AVEN: variants seen among roughly 807,000 people sequenced by gnomAD.
AVEN encodes the protein cell death regulator Aven.
Under a neutral mutation model 38.1 loss-of-function variants are expected in AVEN, and 41 were observed. The ratio of observed to expected loss-of-function variants is 1.08; its 90% CI spans 0.84 to 1.40. The LOEUF (loss-of-function observed/expected upper bound fraction) is 1.40. AVEN is among the 40% of genes most tolerant of loss of function. The pLI, the probability that AVEN is intolerant of heterozygous loss-of-function variation, is 0.00. For synonymous variants in AVEN, 206 were observed against 171.8 expected (o/e 1.20, Z -1.56); for missense variants, 605 against 438.8 (o/e 1.38, Z -3.38).
At chr15:33,980,000 A>C (rs1343201439) in intron 2 of AVEN, among the ~76,000 whole-genome samples, 1 of 152,198 alleles carries the variant, frequency 6.6e-6, no homozygotes, top group Non-Finnish European at 1.5e-5. Flanking sequence ...TAATCAGCTC[A>C]CTTTTTCACT....
chr15:33,920,280 C>A (rs986181821), intron 2 of AVEN, among the ~76,000 whole-genome samples: 14 of 152,188 alleles, frequency 9.2e-5, no homozygotes, highest in Non-Finnish European at 8.8e-5. Context: ...TGTCCTGCAA[C>A]CAATCTCCAG....
chr15:33,861,002 C>A (rs184235909), intron 11 of AVEN: 1 of 1,135,516 alleles, frequency 8.8e-7, no homozygotes, highest in South Asian at 1.3e-5. Context: ...TCCTTCAATT[C>A]GATAGAATCA....
At chr15:33,917,366 GTGTGTGTGTA>G (rs1362024580) in intron 2 of AVEN, among the ~76,000 whole-genome samples, 2 of 50,566 alleles carry the variant, frequency 4.0e-5, no homozygotes, top group African/African-American at 1.6e-4. Context: ...GTGTGTGTGT[GTGTGTGTGTA>G]TACACACACA....
At chr15:33,863,401 A>C (rs542455514), downstream of AVEN, among the ~76,000 whole-genome samples, 3 of 152,302 alleles carry the variant, frequency 2.0e-5, no homozygotes, top group East Asian at 5.8e-4. Flanking sequence ...GACAGAACTC[A>C]AGATCTGGGG....
intron 2 of AVEN, among the ~76,000 whole-genome samples, chr15:33,895,517 G>C (rs1240311714): frequency 6.6e-6 from 1 of 151,744 alleles, no homozygotes; most frequent in Non-Finnish European, 1.5e-5. Context: ...GAAGAGATGA[G>C]GTCTCCCTAT....
chr15:33,973,549 TCCATTGAAAA>T (rs1322588130), intron 2 of AVEN, among the ~76,000 whole-genome samples: 2 of 152,144 alleles, frequency 1.3e-5, no homozygotes, highest in African/African-American at 4.8e-5. Context: ...CTTGTTAGAT[TCCATTGAAAA>T]CCTATTTATG....
chr15:34,024,472 C>CAAAAA (rs10531898), intron 1 of AVEN, among the ~76,000 whole-genome samples: 1 of 101,944 alleles, frequency 9.8e-6, no homozygotes, highest in Non-Finnish European at 2.0e-5. Context: ...GACCCTGTCT[C>CAAAAA]AAAAAAAAAA....
At chr15:33,936,385 C>G (rs1597249282) in intron 2 of AVEN, among the ~76,000 whole-genome samples, 2 of 152,218 alleles carry the variant, frequency 1.3e-5, no homozygotes, top group South Asian at 4.1e-4. Context: ...GATAAGCAAT[C>G]CTTGCGTTAT....
chr15:33,855,152 T>A (rs186249234), downstream of AVEN, among the ~76,000 whole-genome samples: 2 of 151,902 alleles, frequency 1.3e-5, no homozygotes, highest in Non-Finnish European at 2.9e-5. Flanking sequence ...GACATTTAGA[T>A]CAACCAGGAG....
intron 5 of AVEN, 39 bp downstream of exon 5, chr15:33,867,456 C>T: frequency 3.3e-6 from 5 of 1,535,440 alleles, no homozygotes; most frequent in Non-Finnish European, 4.4e-6. Context: ...GAAAAAACAC[C>T]AGAATCAAGA....
intron 2 of AVEN, among the ~76,000 whole-genome samples, chr15:33,964,783 T>C (rs1422109863): frequency 6.6e-6 from 1 of 152,210 alleles, no homozygotes; most frequent in Non-Finnish European, 1.5e-5. Flanking sequence ...TCCCTATATA[T>C]TAAAGACAGT....
downstream of AVEN, chr15:33,854,321 T>TC (rs529620220): frequency 1.6e-4 from 211 of 1,330,152 alleles, 2 homozygotes; most frequent in South Asian, 2.7e-3. Flanking sequence ...ACTTACTTTT[T>TC]CCCCCTTATT....
At chr15:34,022,940 C>G (rs1024789128) in intron 1 of AVEN, among the ~76,000 whole-genome samples, 18 of 152,212 alleles carry the variant, frequency 1.2e-4, no homozygotes, top group Non-Finnish European at 4.4e-5. Flanking sequence ...GTAATCCCAG[C>G]ACTTTGGGAG....
At chr15:33,875,851 T>C (rs1891201328) in intron 3 of AVEN, 74 bp downstream of exon 3, 3 of 1,377,766 alleles carry the variant, frequency 2.2e-6, no homozygotes, top group African/African-American at 2.9e-5. Flanking sequence ...AGACTCTATC[T>C]CAAGAACGTA....
At chr15:33,923,162 TA>T (rs1893469263) in intron 2 of AVEN, among the ~76,000 whole-genome samples, 1 of 152,146 alleles carries the variant, frequency 6.6e-6, no homozygotes, top group Non-Finnish European at 1.5e-5. Flanking sequence ...ATAAGCTTGG[TA>T]ATTACCATGC....
chr15:33,868,448 G>C (rs558691404), intron 4 of AVEN, among the ~76,000 whole-genome samples: 2 of 151,646 alleles, frequency 1.3e-5, no homozygotes, highest in South Asian at 4.2e-4. Context: ...GGGAGGCTGA[G>C]GCAGGAGAAT....
chr15:34,021,170 G>GA (rs1898183376), intron 1 of AVEN, among the ~76,000 whole-genome samples: 1 of 151,902 alleles, frequency 6.6e-6, no homozygotes. Flanking sequence ...ATTTTTCTAT[G>GA]AAAAAATTGC....
chr15:34,059,378 T>C (rs949222690), intron 5 of AVEN, among the ~76,000 whole-genome samples: 3 of 152,198 alleles, frequency 2.0e-5, no homozygotes, highest in Non-Finnish European at 2.9e-5. Flanking sequence ...TTTTGAAGAA[T>C]TGATTAGAAA....
Position 33,955,475 on chromosome 15 carries a change from C to T in AVEN, c.445+47557G>A, listed in dbSNP as rs77258730. 5.8e-3 allele frequency among the ~76,000 whole-genome samples: 878 copies of T among 152,250 alleles called. 6 individuals are homozygous for T. Among genetic ancestry groups the T allele is most frequent in the African/African-American group, 0.02 (840 of 41,546 alleles). ...GTACAACGCTTAAAACTATAATGTA[C>T]CACACAGAATTATAACGTCCTAGAC... On this transcript the variant is annotated intron_variant, in intron 2 of 5. Coordinates refer to ENST00000306730, the MANE Select transcript of AVEN (RefSeq NM_020371.3).
Sources: gnomAD v4.1 joint callset for allele counts (sites outside exome capture counted in the v4.1 genomes callset) on GRCh38, gnomAD v4.1.1 for gene constraint, MANE v1.5 for transcripts, NCBI Gene and HGNC (gene_info 2026-07-23, HGNC 2026-07-21) for gene names.